The following TMEM132D variants were observed in gnomAD, a reference collection of about 807,000 sequenced individuals.
TMEM132D encodes the protein transmembrane protein 132D, also known as mature OL transmembrane protein.
In TMEM132D, 21 loss-of-function variants were observed where a neutral mutation model predicts 62.3. That is an observed-to-expected ratio of 0.34 (90% CI 0.24 to 0.49). TMEM132D has a LOEUF of 0.49. Among genes scored for constraint, TMEM132D ranks in the 20% least tolerant of loss-of-function variants. The pLI, the probability that TMEM132D is intolerant of heterozygous loss-of-function variation, is 0.99. For missense variants in TMEM132D, 1,346 were observed against 1,402.8 expected (o/e 0.96, Z 0.65); for synonymous variants, 621 against 575.6 (o/e 1.08, Z -1.13).
intron 2 of TMEM132D, among the ~76,000 whole-genome samples, chr12:129,610,277 CAAAA>C (rs34621276): frequency 4.6e-5 from 5 of 108,724 alleles, no homozygotes; most frequent in Non-Finnish European, 3.8e-5. Context: ...GGCTCTGTCT[CAAAA>C]AAAAAAAAAA....
At chr12:129,565,422 A>G (rs1877343374) in intron 2 of TMEM132D, among the ~76,000 whole-genome samples, 1 of 152,230 alleles carries the variant, frequency 6.6e-6, no homozygotes, top group Non-Finnish European at 1.5e-5. Context: ...TGCTACAAAG[A>G]GTCTGTTGGT....
Position 129,467,785 on chromosome 12 carries a change from A to G in TMEM132D, c.1115+63274T>C, listed in dbSNP as rs146872910. ...CTAAATGTTTGGAAATACAGGTTAGATCCAGGTCCCAAAGGGCCCTGATTG... is the reference window on the plus strand; with the variant it reads ...CTAAATGTTTGGAAATACAGGTTAGGTCCAGGTCCCAAAGGGCCCTGATTG... On this transcript the variant is annotated intron_variant, in intron 3 of 8. Coordinates refer to ENST00000422113, the MANE Select transcript of TMEM132D (RefSeq NM_133448.3). Among the ~76,000 whole-genome samples the G allele has an allele frequency of 2.3e-3, 353 of 152,248 alleles. 3 individuals are homozygous for G. Among genetic ancestry groups the G allele is most frequent in the African/African-American group, 8.0e-3 (333 of 41,552 alleles).
chr12:129,162,292 G>A (rs145690875), intron 5 of TMEM132D, among the ~76,000 whole-genome samples: 181 of 152,282 alleles, frequency 1.2e-3, no homozygotes, highest in African/African-American at 2.5e-3. Context: ...GAAGGCAGCC[G>A]TGCACAAGCC....
chr12:129,163,191 A>G (rs1877448367), intron 5 of TMEM132D, among the ~76,000 whole-genome samples: 1 of 152,222 alleles, frequency 6.6e-6, no homozygotes, highest in African/African-American at 2.4e-5. Flanking sequence ...AGTTTTCAAC[A>G]ATACAAGTTG....
intron 1 of TMEM132D, among the ~76,000 whole-genome samples, chr12:129,727,860 A>G (rs897577426): frequency 2.0e-5 from 3 of 151,714 alleles, no homozygotes; most frequent in Non-Finnish European, 4.4e-5. Context: ...CTTACTGAGC[A>G]AAAGCAAGGA....
intron 5 of TMEM132D, among the ~76,000 whole-genome samples, chr12:129,200,914 CCTT>C (rs1225245942): frequency 1.3e-5 from 2 of 152,226 alleles, no homozygotes; most frequent in East Asian, 3.8e-4. Context: ...AAATTACACT[CCTT>C]CTCCTCACAG....
intron 1 of TMEM132D, among the ~76,000 whole-genome samples, chr12:129,723,410 C>T (rs542894418): frequency 2.0e-5 from 3 of 152,308 alleles, no homozygotes; most frequent in East Asian, 3.9e-4. Context: ...CCCAGGAAGC[C>T]GTCCTCTATT....
At chr12:129,764,472 C>T (rs1205530031) in intron 1 of TMEM132D, among the ~76,000 whole-genome samples, 1 of 152,002 alleles carries the variant, frequency 6.6e-6, no homozygotes, top group African/African-American at 2.4e-5. Flanking sequence ...TCATTGGACA[C>T]AAAAAGGTTA....
intron 1 of TMEM132D, among the ~76,000 whole-genome samples, chr12:129,846,594 G>T (rs1333366357): frequency 1.3e-5 from 2 of 152,172 alleles, no homozygotes; most frequent in East Asian, 3.9e-4. Flanking sequence ...TTCCTTTACG[G>T]CTGGACATCA....
At chr12:129,585,093 C>T (rs1231104689) in intron 2 of TMEM132D, among the ~76,000 whole-genome samples, 1 of 152,172 alleles carries the variant, frequency 6.6e-6, no homozygotes, top group Non-Finnish European at 1.5e-5. Context: ...ACAGTGCTGA[C>T]ATATAACACT....
intron 5 of TMEM132D, among the ~76,000 whole-genome samples, chr12:129,105,032 C>G (rs915545985): frequency 7.1e-6 from 1 of 141,658 alleles, no homozygotes; most frequent in African/African-American, 2.8e-5. Flanking sequence ...ACCCAGCCAT[C>G]CCATTACTGG....
chr12:129,496,231 T>C (rs2137063758), intron 3 of TMEM132D, among the ~76,000 whole-genome samples: 1 of 152,074 alleles, frequency 6.6e-6, no homozygotes, highest in East Asian at 1.9e-4. Context: ...GCTGAGAGAG[T>C]TAGAAGTATT....
At chr12:129,448,627 T>C (rs1287047463) in intron 3 of TMEM132D, among the ~76,000 whole-genome samples, 3 of 152,236 alleles carry the variant, frequency 2.0e-5, no homozygotes, top group Non-Finnish European at 2.9e-5. Flanking sequence ...CAGTCGGTCA[T>C]TGGTGAGCAT....
chr12:129,622,344 TC>T (rs536394607), intron 2 of TMEM132D, among the ~76,000 whole-genome samples: 39 of 152,246 alleles, frequency 2.6e-4, no homozygotes, highest in South Asian at 1.7e-3. Context: ...TATGGGGCAG[TC>T]AGCACGCAGG....
intron 5 of TMEM132D, among the ~76,000 whole-genome samples, chr12:129,167,779 G>C (rs1877608233): frequency 1.3e-5 from 2 of 151,808 alleles, no homozygotes; most frequent in South Asian, 4.2e-4. Flanking sequence ...CCAATTGGGA[G>C]GCCCCCACAA....
At chr12:129,265,193 G>C (rs565734913) in intron 4 of TMEM132D, among the ~76,000 whole-genome samples, 2 of 152,304 alleles carry the variant, frequency 1.3e-5, no homozygotes, top group East Asian at 1.9e-4. Flanking sequence ...GGGATGTCAG[G>C]CTTCCATGGA....
chr12:129,891,840 A>G (rs1387467580), intron 1 of TMEM132D, among the ~76,000 whole-genome samples: 1 of 152,236 alleles, frequency 6.6e-6, no homozygotes, highest in African/African-American at 2.4e-5. Flanking sequence ...AGTTGAAAAC[A>G]AATTATAGGT....
chr12:129,888,758 C>T (rs555635069), intron 1 of TMEM132D, among the ~76,000 whole-genome samples: 20 of 152,262 alleles, frequency 1.3e-4, no homozygotes, highest in African/African-American at 2.2e-4. Flanking sequence ...GTTAACCACC[C>T]GGTACCCACT....
At chr12:129,621,710 A>G (rs1195515737) in intron 2 of TMEM132D, among the ~76,000 whole-genome samples, 1 of 152,170 alleles carries the variant, frequency 6.6e-6, no homozygotes, top group Non-Finnish European at 1.5e-5. Context: ...TTAACACACT[A>G]CATCTTCCAG....
Sources: gnomAD v4.1 joint callset for allele counts (sites outside exome capture counted in the v4.1 genomes callset) on GRCh38, gnomAD v4.1.1 for gene constraint, MANE v1.5 for transcripts, NCBI Gene and HGNC (gene_info 2026-07-23, HGNC 2026-07-21) for gene names.